The following UTRN variants were observed in gnomAD, a reference collection of about 807,000 sequenced individuals.
The protein encoded by UTRN is utrophin.
UTRN carries 283 observed loss-of-function variants against 463.9 expected under a neutral mutation model. The observed-to-expected ratio is 0.61, with a 90% CI of 0.55 to 0.67. The LOEUF (loss-of-function observed/expected upper bound fraction) is 0.67. Among genes scored for constraint, UTRN ranks in the 30% least tolerant of loss-of-function variants. The probability of loss-of-function intolerance (pLI) is 0.00; values close to 1 mark genes in which losing one functional copy is unlikely to be tolerated. For missense variants in UTRN, 3,922 were observed against 4,084.3 expected, an observed-to-expected ratio of 0.96 and a Z score of 1.08; for synonymous variants, 1,442 against 1,431.5, an observed-to-expected ratio of 1.01 and a Z score of -0.17.
At chr6:144,496,883 T>A (rs1014070532) in intron 33 of UTRN, among the ~76,000 whole-genome samples, 3 of 152,058 alleles carry the variant, frequency 2.0e-5, no homozygotes, top group African/African-American at 7.3e-5. Flanking sequence ...AACGAGGAGA[T>A]TTCTAGACTG....
In UTRN at chr6:144,493,306, G is replaced by C; in HGVS notation, c.4443G>C (p.Leu1481=). 1 of 1,614,018 alleles carries C rather than the reference G, an allele frequency of 6.2e-7. No homozygotes were observed. Among genetic ancestry groups the C allele is most frequent in the African/African-American group, 1.3e-5 (1 of 75,034 alleles). The change falls in exon 33 of 75, where the codon CTG becomes CTC. Residue 1481 remains leucine (L), a synonymous_variant. Transcript: ENST00000367545. ...IQTHLDKCMK[L]YKTLSEVKLE... is the part of the protein sequence containing the mutation. ...TTTCTTTGTTTGTTTTAAAGAAACT[G>C]TATAAAACTTTGAGTGAAGTCAAAC...
chr6:144,495,139 C>T (rs949601061), intron 33 of UTRN, among the ~76,000 whole-genome samples: 13 of 152,210 alleles, frequency 8.5e-5, no homozygotes, highest in East Asian at 1.9e-4. Context: ...AGTCCCGCAC[C>T]GTGGGCTTGC....
At chr6:144,670,163 T>C (rs1780857690) in intron 51 of UTRN, among the ~76,000 whole-genome samples, 1 of 152,184 alleles carries the variant, frequency 6.6e-6, no homozygotes. Context: ...AATTGATGGA[T>C]CAAATGGTAG....
At chr6:144,422,829 G>C (rs1227924267) in intron 4 of UTRN, among the ~76,000 whole-genome samples, 1 of 152,210 alleles carries the variant, frequency 6.6e-6, no homozygotes, top group African/African-American at 2.4e-5. Context: ...AGTACAGAGA[G>C]ATGCACTCCT....
chr6:144,810,009 T>C (rs990008524), intron 65 of UTRN, among the ~76,000 whole-genome samples: 1 of 152,110 alleles, frequency 6.6e-6, no homozygotes, highest in South Asian at 2.1e-4. Context: ...ATGCTTAGGT[T>C]TGATGAAGAG....
intron 60 of UTRN, among the ~76,000 whole-genome samples, chr6:144,776,963 G>A (rs118136697): frequency 2.0e-5 from 3 of 152,128 alleles, no homozygotes; most frequent in Non-Finnish European, 4.4e-5. Flanking sequence ...TCATAGAACT[G>A]TTCTTTTCCT....
chr6:144,479,713 G>A, intron 25 of UTRN, 99 bp from the exon 26 acceptor site: 1 of 1,390,778 alleles, frequency 7.2e-7, no homozygotes, highest in Non-Finnish European at 9.7e-7. Context: ...GCAATTCGTT[G>A]TGGAAAGTTA....
chr6:144,359,553 A>G (rs1584431744), intron 2 of UTRN, among the ~76,000 whole-genome samples: 2 of 152,302 alleles, frequency 1.3e-5, no homozygotes, highest in East Asian at 3.9e-4. Flanking sequence ...CAGTTTATAC[A>G]AATATGCCAG....
chr6:144,553,825 A>G (rs1799141270), intron 48 of UTRN, among the ~76,000 whole-genome samples: 1 of 150,870 alleles, frequency 6.6e-6, no homozygotes, highest in Non-Finnish European at 1.5e-5. Flanking sequence ...CAGGAGAATC[A>G]CTTGTACCTG....
chr6:144,666,181 G>C (rs1381293197), intron 51 of UTRN, among the ~76,000 whole-genome samples: 1 of 152,172 alleles, frequency 6.6e-6, no homozygotes, highest in East Asian at 1.9e-4. Context: ...GTCATGATCT[G>C]ACAGCCTCCC....
At chr6:144,829,402 C>T (rs769967030) in intron 69 of UTRN, among the ~76,000 whole-genome samples, 3 of 152,092 alleles carry the variant, frequency 2.0e-5, no homozygotes, top group Non-Finnish European at 4.4e-5. Flanking sequence ...ATATTATATA[C>T]TAAAAAGCTT....
chr6:144,299,121 A>G (rs1353026923), intron 2 of UTRN, among the ~76,000 whole-genome samples: 2 of 152,206 alleles, frequency 1.3e-5, no homozygotes, highest in Non-Finnish European at 1.5e-5. Flanking sequence ...ACATGCTTTT[A>G]TTTTGAAAAC....
chr6:144,758,117 T>C (rs1323249922), intron 58 of UTRN, 128 bp downstream of exon 58: 1 of 685,788 alleles, frequency 1.5e-6, no homozygotes. Context: ...AACTGTGATA[T>C]AGTTAATATT....
At chr6:144,660,302 G>A (rs1421303057) in intron 51 of UTRN, 1 of 470,936 alleles carries the variant, frequency 2.1e-6, no homozygotes. Flanking sequence ...CTTCATGAAT[G>A]TACTTTTTTC....
chr6:144,643,726 G>C (rs573228565), intron 51 of UTRN, among the ~76,000 whole-genome samples: 2 of 151,864 alleles, frequency 1.3e-5, no homozygotes, highest in African/African-American at 4.8e-5. Flanking sequence ...GAACCCGGGC[G>C]GTGGAGGTTA....
chr6:144,400,771 A>G (rs943675991), intron 2 of UTRN, among the ~76,000 whole-genome samples: 1 of 152,218 alleles, frequency 6.6e-6, no homozygotes, highest in Non-Finnish European at 1.5e-5. Context: ...TAGAAAATGT[A>G]TCGTTTACAG....
At chr6:144,414,521 T>C (rs1436210875) in intron 3 of UTRN, among the ~76,000 whole-genome samples, 2 of 152,164 alleles carry the variant, frequency 1.3e-5, no homozygotes, top group Non-Finnish European at 2.9e-5. Flanking sequence ...TAAAGTAATC[T>C]AAGGTTTATT....
At chr6:144,598,289 G>T (rs542018388) in intron 51 of UTRN, among the ~76,000 whole-genome samples, 2 of 152,206 alleles carry the variant, frequency 1.3e-5, no homozygotes, top group South Asian at 2.1e-4. Flanking sequence ...GGGACAACTT[G>T]AAGTGGCTTC....
chr6:144,561,715 C>T (rs568097495), intron 50 of UTRN, among the ~76,000 whole-genome samples: 9 of 152,158 alleles, frequency 5.9e-5, no homozygotes, highest in Admixed American at 4.6e-4. Flanking sequence ...TCACCATTTC[C>T]TTGATTCTAA....
Sources: gnomAD v4.1 joint callset for allele counts (sites outside exome capture counted in the v4.1 genomes callset) on GRCh38, gnomAD v4.1.1 for gene constraint, MANE v1.5 for transcripts, NCBI Gene and HGNC (gene_info 2026-07-23, HGNC 2026-07-21) for gene names.